The following SYT1 variants were observed in gnomAD, a reference collection of about 807,000 sequenced individuals.
SYT1 encodes synaptotagmin 1.
A neutral mutation model predicts 44.8 loss-of-function variants in SYT1; 8 were observed. The observed-to-expected ratio is 0.18, with a 90% CI of 0.10 to 0.32. The LOEUF is 0.32. SYT1 is among the 10% of genes least tolerant of loss of function. The pLI, the probability that SYT1 is intolerant of heterozygous loss-of-function variation, is 1.00. For missense variants in SYT1, 286 were observed against 509.3 expected (o/e 0.56, Z 4.22); for synonymous variants, 154 against 188.8 (o/e 0.82, Z 1.51).
chr12:79,129,583 G>A (rs1868673061), intron 3 of SYT1, among the ~76,000 whole-genome samples: 1 of 152,186 alleles, frequency 6.6e-6, no homozygotes, highest in Admixed American at 6.5e-5. Context: ...GGATTACTTT[G>A]CAAAATTTGC....
chr12:79,431,513 A>ATTTAT (rs1555225314), intron 9 of SYT1, among the ~76,000 whole-genome samples: 3,945 of 142,682 alleles, frequency 0.028, 92 homozygotes, highest in East Asian at 0.056. Flanking sequence ...ATTTTATTTT[A>ATTTAT]TTATTTATTT....
chr12:78,876,875 T>TATATATTATATATAATATATATA (rs1874180077), intron 1 of SYT1, among the ~76,000 whole-genome samples: 3 of 44,174 alleles, frequency 6.8e-5, no homozygotes, highest in East Asian at 5.1e-4. Flanking sequence ...TAATATATTA[T>TATATATTATATATAATATATATA]ATGTATTATA....
intron 3 of SYT1, among the ~76,000 whole-genome samples, chr12:79,063,878 C>A (rs189697942): frequency 6.6e-6 from 1 of 152,250 alleles, no homozygotes; most frequent in Non-Finnish European, 1.5e-5. Context: ...AGAGCTTTGA[C>A]CCAGGAGTCT....
chr12:79,147,500 A>T (rs562372819), intron 3 of SYT1, among the ~76,000 whole-genome samples: 50 of 152,310 alleles, frequency 3.3e-4, no homozygotes, highest in African/African-American at 1.2e-3. Flanking sequence ...TGGGGGAAAA[A>T]GAGTGTTACA....
chr12:79,213,411 A>G (rs1874582751), intron 3 of SYT1, among the ~76,000 whole-genome samples: 1 of 152,200 alleles, frequency 6.6e-6, no homozygotes, highest in Admixed American at 6.5e-5. Context: ...TTACTACTAT[A>G]TGACTTTAAC....
intron 2 of SYT1, among the ~76,000 whole-genome samples, chr12:78,988,686 A>G (rs1048947589): frequency 1.3e-5 from 2 of 152,110 alleles, no homozygotes; most frequent in Admixed American, 6.6e-5. Context: ...ATGTGAAGTC[A>G]GAGATTTAGA....
At chr12:79,205,682 GTTTTGCCAGTTTGTTTCCATTC>G (rs2138514180) in intron 3 of SYT1, among the ~76,000 whole-genome samples, 1 of 152,220 alleles carries the variant, frequency 6.6e-6, no homozygotes, top group Non-Finnish European at 1.5e-5. Context: ...TCTTGGATAT[GTTTTGCCAGTTTGTTTCCATTC>G]TTTTATTCTC....
intron 9 of SYT1, among the ~76,000 whole-genome samples, chr12:79,401,669 CTTT>C (rs199548732): frequency 3.6e-5 from 5 of 138,894 alleles, no homozygotes; most frequent in Admixed American, 1.4e-4. Context: ...AAAACTCAAA[CTTT>C]TTTTTTTTTT....
chr12:79,284,634 G>C (rs1340287178), intron 4 of SYT1, among the ~76,000 whole-genome samples: 1 of 151,870 alleles, frequency 6.6e-6, no homozygotes, highest in African/African-American at 2.4e-5. Context: ...TCAGGAGATC[G>C]AGACCATCCT....
intron 3 of SYT1, among the ~76,000 whole-genome samples, chr12:79,133,215 T>A (rs1187597805): frequency 1.3e-5 from 2 of 152,058 alleles, no homozygotes; most frequent in African/African-American, 4.8e-5. Context: ...GTGTGTTGTA[T>A]ATTTCAAAAT....
In SYT1 at chr12:78,956,293, A is replaced by C. The variant is rs111278174; in HGVS notation, c.-216-21506A>C. 3.0e-3 allele frequency among the ~76,000 whole-genome samples: 453 copies of C among 152,246 alleles called. 3 individuals carry two copies. The highest frequency in any genetic ancestry group is 0.01 in the African/African-American group (426 of 41,568). On this transcript the variant is annotated intron_variant, in intron 1 of 10. Coordinates refer to ENST00000261205, the MANE Select transcript of SYT1 (RefSeq NM_005639.3). ...CATAAGATATTAATATAAAACACAG[A>C]CAAATAATCTGGAGACACACTTATT... is the stretch of plus-strand genomic sequence containing the variant.
In SYT1 at chr12:78,984,918, G is replaced by A. The variant is rs748197100; in HGVS notation, c.-84+6987G>A. Among the ~76,000 whole-genome samples, 8 of 151,832 alleles carry A rather than the reference G, an allele frequency of 5.3e-5. 1 individual carries two copies. Among genetic ancestry groups the A allele is most frequent in the East Asian group, 1.9e-4 (1 of 5,190 alleles). ...GGAAGGTGGAAAGAGCAACAAAACCGCAGTTATTTGTAGTTTGCGACATAA... is the reference window on the plus strand; with the variant it reads ...GGAAGGTGGAAAGAGCAACAAAACCACAGTTATTTGTAGTTTGCGACATAA... On this transcript the variant is annotated intron_variant, in intron 2 of 10. Coordinates refer to ENST00000261205, the MANE Select transcript of SYT1 (RefSeq NM_005639.3).
At chr12:78,974,053 G>A (rs1402127293) in intron 1 of SYT1, among the ~76,000 whole-genome samples, 1 of 140,798 alleles carries the variant, frequency 7.1e-6, no homozygotes, top group Admixed American at 7.4e-5. Flanking sequence ...TTGTCATTGG[G>A]TGAACATCAT....
intron 1 of SYT1, among the ~76,000 whole-genome samples, chr12:78,935,179 C>T (rs762540427): frequency 4.1e-4 from 63 of 152,162 alleles, no homozygotes; most frequent in Non-Finnish European, 6.3e-4. Flanking sequence ...AAGTAGGTGT[C>T]TGGAGATGGC....
chr12:78,971,656 G>A (rs754867549), intron 1 of SYT1, among the ~76,000 whole-genome samples: 6 of 152,174 alleles, frequency 3.9e-5, no homozygotes, highest in East Asian at 1.9e-4. Context: ...AAGCTAAAAC[G>A]TGTATTTCTA....
chr12:78,956,180 A>G (rs951182605), intron 1 of SYT1, among the ~76,000 whole-genome samples: 2 of 152,082 alleles, frequency 1.3e-5, no homozygotes, highest in Admixed American at 6.6e-5. Flanking sequence ...CATTGACAGA[A>G]TGACTGGTAT....
At chr12:79,359,661 C>G (rs1463462576) in intron 9 of SYT1, among the ~76,000 whole-genome samples, 1 of 152,018 alleles carries the variant, frequency 6.6e-6, no homozygotes, top group Non-Finnish European at 1.5e-5. Flanking sequence ...GTGACCTAGG[C>G]GAGCAAAATT....
intron 3 of SYT1, among the ~76,000 whole-genome samples, chr12:79,094,061 A>G (rs911457345): frequency 6.6e-6 from 1 of 151,826 alleles, no homozygotes; most frequent in East Asian, 1.9e-4. Context: ...TAAATAAGCT[A>G]AAATGTATGA....
intron 9 of SYT1, among the ~76,000 whole-genome samples, chr12:79,419,553 G>A (rs1042898954): frequency 3.3e-5 from 5 of 152,122 alleles, no homozygotes; most frequent in South Asian, 2.1e-4. Flanking sequence ...ATGTGGAAAA[G>A]CACTGCTTTA....
Sources: allele counts gnomAD v4.1 joint callset (sites outside exome capture counted in the v4.1 genomes callset), GRCh38; gene constraint gnomAD v4.1.1; transcripts MANE v1.5; gene names NCBI Gene and HGNC (gene_info 2026-07-23, HGNC 2026-07-21).